The following SEMA4A variants were observed in gnomAD, a reference collection of about 807,000 sequenced individuals.
SEMA4A encodes the protein semaphorin 4A.
A neutral mutation model predicts 72.5 loss-of-function variants in SEMA4A; 52 were observed. The ratio of observed to expected loss-of-function variants is 0.72; its 90% CI spans 0.57 to 0.90. The LOEUF (loss-of-function observed/expected upper bound fraction) is 0.90, where lower values mean the gene tolerates loss of function less well. SEMA4A is among the 40% of genes least tolerant of loss of function. The probability of loss-of-function intolerance (pLI) is 0.00; values close to 1 mark genes in which losing one functional copy is unlikely to be tolerated. For missense variants in SEMA4A, 926 were observed against 959.7 expected, an observed-to-expected ratio of 0.96 and a Z score of 0.46; for synonymous variants, 369 against 393.1, an observed-to-expected ratio of 0.94 and a Z score of 0.73.
rs1655143018 is a variant in SEMA4A at position 156,174,809 on chromosome 1, T to C, written c.1316-13T>C. The C allele has an allele frequency of 6.2e-7, 1 of 1,614,202 alleles. No individual in the cohort carries two copies. The highest frequency in any genetic ancestry group is 1.7e-5 in the Admixed American group (1 of 60,026). ...GAGATGAGATGACTTCCACTCTCTCTGTCTCCCCATAGCCACAGGGTCGCT... is the reference window on the plus strand; with the variant it reads ...GAGATGAGATGACTTCCACTCTCTCCGTCTCCCCATAGCCACAGGGTCGCT... On this transcript the variant is annotated splice_polypyrimidine_tract_variant and intron_variant, in intron 11 of 14. Coordinates refer to ENST00000368285, the MANE Select transcript of SEMA4A (RefSeq NM_022367.4).
upstream of SEMA4A, among the ~76,000 whole-genome samples, chr1:156,148,723 G>A (rs544349088): frequency 6.6e-6 from 1 of 151,866 alleles, no homozygotes; most frequent in Non-Finnish European, 1.5e-5. Flanking sequence ...AGGGCCCTTC[G>A]CCCCAGACTC....
At chr1:156,147,779 AAC>A (rs1307712344), upstream of SEMA4A, among the ~76,000 whole-genome samples, 1 of 152,166 alleles carries the variant, frequency 6.6e-6, no homozygotes, top group Non-Finnish European at 1.5e-5. Context: ...AGGCTAGACA[AAC>A]CAGAGGAAAT....
intron 11 of SEMA4A, among the ~76,000 whole-genome samples, chr1:156,173,262 G>T (rs1437571973): frequency 6.6e-6 from 1 of 152,182 alleles, no homozygotes; most frequent in Non-Finnish European, 1.5e-5. Flanking sequence ...AGAGCTGTGT[G>T]TCTTATGAGG....
Position 156,160,534 on chromosome 1 carries a change from C to A in SEMA4A, c.660C>A (p.Thr220=). 1.2e-6 allele frequency: 2 copies of A among 1,614,122 alleles called. No homozygotes were observed. The highest frequency in any genetic ancestry group is 1.7e-6 in the Non-Finnish European group (2 of 1,179,978). ...TGGGATCCCAGCCTGTCCTCAAGAC[C>A]GACAACTTCCTCCGCTGGCTGCATC... ...RTLGSQPVLK[T]DNFLRWLHHD... The change falls in exon 7 of 15, where the codon ACC becomes ACA. Residue 220 remains threonine (T), a synonymous_variant. Transcript: ENST00000368285.
upstream of SEMA4A, chr1:156,149,959 A>G (rs984733463): frequency 5.3e-5 from 8 of 152,062 alleles, no homozygotes; most frequent in Non-Finnish European, 7.3e-5. Flanking sequence ...TGCGGTCGCC[A>G]TGGTGACTGA....
intron 10 of SEMA4A, among the ~76,000 whole-genome samples, chr1:156,167,496 GAAAGA>G (rs1250498385): frequency 2.2e-5 from 3 of 133,888 alleles, no homozygotes; most frequent in East Asian, 4.2e-4. Flanking sequence ...AAAAAAAAAA[GAAAGA>G]AAAGAAAAGA....
At chr1:156,161,243 C>G in intron 8 of SEMA4A, 103 bp from the exon 9 acceptor site, 1 of 474,706 alleles carries the variant, frequency 2.1e-6, no homozygotes, top group South Asian at 2.5e-5. Context: ...GCGGGGCTGG[C>G]GGGGACTGGG....
At chr1:156,172,800 C>A (rs1654924055) in intron 10 of SEMA4A, 26 bp from the exon 11 acceptor site, 3 of 1,612,074 alleles carry the variant, frequency 1.9e-6, no homozygotes, top group African/African-American at 1.3e-5. Flanking sequence ...GGCAAACCAA[C>A]CTGATCTGCC....
chr1:156,174,595 G>A (rs1194061195), intron 11 of SEMA4A, among the ~76,000 whole-genome samples: 1 of 152,194 alleles, frequency 6.6e-6, no homozygotes, highest in Non-Finnish European at 1.5e-5. Flanking sequence ...CAGGGACAAA[G>A]TTTTGTCAGG....
intron 8 of SEMA4A, 120 bp from the exon 9 acceptor site, chr1:156,161,200 ACAAGCGTGGCTGAGGGGGCGGGGTGG>A: frequency 4.8e-6 from 2 of 414,810 alleles, no homozygotes; most frequent in Non-Finnish European, 7.6e-6. Context: ...GGGGCGGGGG[ACAAGCGTGGCTGAGGGGGCGGGGTGG>A]GGACACGCGG....
In SEMA4A at chr1:156,172,896, T is replaced by G. The variant is rs779824656; in HGVS notation, c.1205T>G (p.Val402Gly). The part of the protein sequence containing the change: ...MKDHFLMDEQ[V>G]VGTPLLVKSG... ...GACCATTTCCTGATGGATGAGCAAG[T>G]GGTGGGGACGCCCCTGCTGGTGAAA... Residue 402 changes from valine to glycine, a missense_variant, in exon 11 of 15, where the codon GTG becomes GGG. Coordinates refer to ENST00000368285, the MANE Select transcript of SEMA4A (RefSeq NM_022367.4). 6.2e-7 allele frequency: 1 copy of G among 1,614,024 alleles called. No individual in the cohort carries two copies. Among genetic ancestry groups the G allele is most frequent in the Non-Finnish European group, 8.5e-7 (1 of 1,179,990 alleles).
intron 1 of SEMA4A, 133 bp from the exon 2 acceptor site, chr1:156,154,417 C>T (rs371814440): frequency 1.7e-5 from 13 of 771,552 alleles, no homozygotes; most frequent in Admixed American, 1.4e-4. Flanking sequence ...AGATAGGGAA[C>T]CTTCTCTGCC....
chr1:156,158,504 C>T lies in SEMA4A; in HGVS notation c.462+18C>T. ...CCTTCATTGTGAGTTCTCTGGTGCC[C>T]AGCGCTCAGGCCCCCAAGCATCCCT... On this transcript the variant is annotated intron_variant, in intron 5 of 14. Coordinates refer to ENST00000368285, the MANE Select transcript of SEMA4A (RefSeq NM_022367.4). The T allele has an allele frequency of 6.3e-7, 1 of 1,583,646 alleles. No individual in the cohort carries two copies. Among genetic ancestry groups the T allele is most frequent in the South Asian group, 1.1e-5 (1 of 90,444 alleles).
intron 11 of SEMA4A, among the ~76,000 whole-genome samples, chr1:156,173,435 TC>T (rs945792693): frequency 6.6e-6 from 1 of 151,296 alleles, no homozygotes; most frequent in African/African-American, 2.4e-5. Context: ...TTTTGTTTTT[TC>T]CCCCTCCTTG....
At position 156,157,991 on chromosome 1, in the gene SEMA4A, C is replaced by A; in HGVS notation, c.301-79C>A. 7.2e-7 allele frequency: 1 copy of A among 1,396,776 alleles called. No individual in the cohort carries two copies. The highest frequency in any genetic ancestry group is 1.0e-6 in the Non-Finnish European group (1 of 991,170). 86.5% of individuals were successfully genotyped at this position (1,396,776 alleles called of 1,614,324 possible). A position where few individuals can be genotyped will look rare whatever the true frequency, so the allele number is the denominator to read the frequency against. ...GTCTGCTGGTTATTTCACATCAGAG[C>A]AGAGAAGGGAGGCAGGTCACAGCTA... On this transcript the variant is annotated intron_variant, in intron 3 of 14. Coordinates refer to ENST00000368285, the MANE Select transcript of SEMA4A (RefSeq NM_022367.4). This position sits in a 1 kb window ranked among gnomAD's most constrained non-coding sequence, Gnocchi z 4.5.
chr1:156,160,455 A>G lies in SEMA4A; in HGVS notation c.581A>G (p.Tyr194Cys). Residue 194 changes from tyrosine to cysteine, a missense_variant, in exon 7 of 15, where the codon TAT becomes TGT. By Grantham distance (194) the Tyr-to-Cys change is radical. Transcript: ENST00000368285. ...TCCTCCACCCTAGATGGGATGCTCT[A>G]TTCTGGTACTATGAACAACTTCCTG... ...HTAVLVDGML[Y>C]SGTMNNFLGS... 6.2e-7 allele frequency: 1 copy of G among 1,613,544 alleles called. No homozygotes were observed. The highest frequency in any genetic ancestry group is 8.5e-7 in the Non-Finnish European group (1 of 1,179,598).
chr1:156,157,205 G>A lies in SEMA4A; in HGVS notation c.300+631G>A, dbSNP rs75278297. ...GATGCTTCTGTGTCTTTTTTTTTTT[G>A]AGATGGAGTCTCACTCTGTTGTCCA... On this transcript the variant is annotated intron_variant, in intron 3 of 14. Coordinates refer to ENST00000368285, the MANE Select transcript of SEMA4A (RefSeq NM_022367.4). This position sits in a 1 kb window ranked among gnomAD's most constrained non-coding sequence, Gnocchi z 4.5. Among the ~76,000 whole-genome samples, 3 of 143,656 alleles carry A rather than the reference G, an allele frequency of 2.1e-5. No individual in the cohort carries two copies. Among genetic ancestry groups the A allele is most frequent in the African/African-American group, 7.8e-5 (3 of 38,554 alleles). 94.2% of individuals were successfully genotyped at this position (143,656 alleles called of 152,430 possible). A position where few individuals can be genotyped will look rare whatever the true frequency, so the allele number is the denominator to read the frequency against.
chr1:156,154,781 G>T, intron 2 of SEMA4A, 64 bp downstream of exon 2: 1 of 1,543,632 alleles, frequency 6.5e-7, no homozygotes, highest in South Asian at 1.2e-5. Flanking sequence ...GTGGAGGAAG[G>T]AGAGAGGAAC....
intron 6 of SEMA4A, among the ~76,000 whole-genome samples, chr1:156,159,790 C>A (rs1005282340): frequency 6.6e-6 from 1 of 151,572 alleles, no homozygotes; most frequent in Non-Finnish European, 1.5e-5. Context: ...CAAAATTAGC[C>A]GGACAAGCGC....
Sources: allele counts gnomAD v4.1 joint callset (sites outside exome capture counted in the v4.1 genomes callset), GRCh38; gene constraint gnomAD v4.1.1; non-coding constraint Gnocchi (gnomAD v3.1); transcripts MANE v1.5; gene names NCBI Gene and HGNC (gene_info 2026-07-23, HGNC 2026-07-21).